MAML3: variants seen among roughly 807,000 people sequenced by gnomAD.
The protein encoded by MAML3 is mastermind like transcriptional coactivator 3, also known as mastermind-like protein 3.
MAML3 carries 27 observed loss-of-function variants against 101.9 expected under a neutral mutation model. The ratio of observed to expected loss-of-function variants is 0.27; its 90% CI spans 0.20 to 0.37. The LOEUF (loss-of-function observed/expected upper bound fraction) is 0.37. MAML3 is among the 10% of genes least tolerant of loss of function. The pLI is 1.00. For missense variants in MAML3, 1,316 were observed against 1,444.9 expected (o/e 0.91, Z 1.45); for synonymous variants, 501 against 555.9 (o/e 0.90, Z 1.39).
chr4:140,011,591 G>A (rs1231466654), intron 1 of MAML3, among the ~76,000 whole-genome samples: 3 of 151,612 alleles, frequency 2.0e-5, no homozygotes, highest in African/African-American at 4.8e-5. Context: ...TGATCCACCC[G>A]CCTCGGCCTC....
chr4:139,753,202 T>G (rs1729555696), intron 2 of MAML3, among the ~76,000 whole-genome samples: 1 of 152,236 alleles, frequency 6.6e-6, no homozygotes, highest in South Asian at 2.1e-4. Context: ...TCCTTTTAAG[T>G]GTACAATTCA....
At chr4:140,044,115 A>G (rs888890339) in intron 1 of MAML3, among the ~76,000 whole-genome samples, 2 of 129,174 alleles carry the variant, frequency 1.5e-5, no homozygotes, top group Non-Finnish European at 3.5e-5. Context: ...AAACAGTTCT[A>G]TAAGAAAGAA....
chr4:139,987,425 G>C (rs180815713), intron 1 of MAML3, among the ~76,000 whole-genome samples: 1 of 152,306 alleles, frequency 6.6e-6, no homozygotes, highest in East Asian at 1.9e-4. Context: ...TTTTTGTTCT[G>C]TGGTGGGAAC....
At chr4:140,126,168 AT>A (rs1488869642) in intron 1 of MAML3, among the ~76,000 whole-genome samples, 2 of 83,012 alleles carry the variant, frequency 2.4e-5, no homozygotes, top group African/African-American at 8.3e-5. Context: ...TGTAATAAGC[AT>A]TGTTTAAAAA....
chr4:139,821,050 T>C (rs1012045358), intron 2 of MAML3, among the ~76,000 whole-genome samples: 2 of 152,250 alleles, frequency 1.3e-5, no homozygotes, highest in African/African-American at 2.4e-5. Flanking sequence ...AGAAAAACCA[T>C]TGCCAAATTG....
chr4:139,930,763 T>C (rs1178983610), intron 1 of MAML3, among the ~76,000 whole-genome samples: 1 of 152,178 alleles, frequency 6.6e-6, no homozygotes, highest in Non-Finnish European at 1.5e-5. Flanking sequence ...AGGAGTAACG[T>C]GACACTAGAC....
chr4:140,102,861 C>T (rs1244309316), intron 1 of MAML3, among the ~76,000 whole-genome samples: 1 of 152,048 alleles, frequency 6.6e-6, no homozygotes, highest in Non-Finnish European at 1.5e-5. Flanking sequence ...CTCATCACCA[C>T]CAAGTGAAGA....
At chr4:139,768,221 GT>G (rs938317393) in intron 2 of MAML3, among the ~76,000 whole-genome samples, 13 of 87,000 alleles carry the variant, frequency 1.5e-4, no homozygotes, top group Admixed American at 1.3e-3. Flanking sequence ...TCTGTTGATA[GT>G]TGTGTGTGTG....
At position 139,719,442 on chromosome 4, in the gene MAML3, C is replaced by T. The variant is rs751266761; in HGVS notation, c.3298G>A (p.Gly1100Arg). ...QDVSYNYSGD[G>R]AGGSFPGLPD... Reference sequence around the variant, plus strand: ...AGGCCAGGGAAGGAACCCCCAGCTCCGTCGCCACTGTAATTGTATGACACG... The same window carrying T: ...AGGCCAGGGAAGGAACCCCCAGCTCTGTCGCCACTGTAATTGTATGACACG... The change falls in exon 5 of 5, where the codon GGA becomes AGA. Residue 1100 changes from glycine to arginine, a missense_variant. Physicochemically the swap from Gly to Arg is moderately radical, Grantham distance 125 (BLOSUM62 -2). Coordinates refer to ENST00000509479, the MANE Select transcript of MAML3 (RefSeq NM_018717.5). 40 of 1,613,896 alleles carry T rather than the reference C, an allele frequency of 2.5e-5. No homozygotes were observed. In the South Asian group the frequency reaches 3.2e-4, roughly 13 times the overall value.
rs1729856955 is a variant in MAML3, at chr4:139,766,208, G to C, written c.2080-35541C>G. Among the ~76,000 whole-genome samples the C allele has an allele frequency of 4.6e-5, 7 of 151,852 alleles. No individual in the cohort carries two copies. In the South Asian group the frequency reaches 1.5e-3, roughly 32 times the overall value. On this transcript the variant is annotated intron_variant, in intron 2 of 4. Coordinates refer to ENST00000509479, the MANE Select transcript of MAML3 (RefSeq NM_018717.5). ...GGGGTGGGGGATGGAGTCTCACTCT[G>C]TCACCCAGGCTGGAGTGCAGTGGCA...
At chr4:139,889,220 A>G (rs1732409694) in intron 2 of MAML3, 137 bp downstream of exon 2, 5 of 1,524,284 alleles carry the variant, frequency 3.3e-6, no homozygotes, top group Middle Eastern at 1.7e-4. Flanking sequence ...AAACCTGGCC[A>G]CTACCTGAGG....
chr4:140,075,532 C>T (rs1278212576), intron 1 of MAML3, among the ~76,000 whole-genome samples: 1 of 152,052 alleles, frequency 6.6e-6, no homozygotes, highest in Non-Finnish European at 1.5e-5. Flanking sequence ...AACATAGATA[C>T]ATATTATTTT....
At chr4:139,747,522 C>T (rs922381857) in intron 2 of MAML3, among the ~76,000 whole-genome samples, 6 of 151,814 alleles carry the variant, frequency 4.0e-5, no homozygotes, top group Non-Finnish European at 7.4e-5. Flanking sequence ...GGTGAAACCC[C>T]GTCTCTACTA....
intron 2 of MAML3, among the ~76,000 whole-genome samples, chr4:139,744,654 C>T (rs754916690): frequency 1.3e-5 from 2 of 152,224 alleles, no homozygotes; most frequent in Non-Finnish European, 2.9e-5. Flanking sequence ...AGTACCCCAG[C>T]ACAATGGCAG....
chr4:140,132,310 C>T (rs982217003), intron 1 of MAML3, among the ~76,000 whole-genome samples: 2 of 152,230 alleles, frequency 1.3e-5, no homozygotes, highest in African/African-American at 4.8e-5. Flanking sequence ...TGTTGACACT[C>T]GTTGCAAAGC....
chr4:139,720,339 G>C lies in MAML3; in HGVS notation c.2417-16C>G, dbSNP rs1330776322. 4 of 1,513,080 alleles carry C rather than the reference G, an allele frequency of 2.6e-6. No homozygotes were observed. The East Asian group carries it at 6.8e-5, about 26-fold the overall frequency. 93.7% of individuals were successfully genotyped at this position (1,513,080 alleles called of 1,614,324 possible). On this transcript the variant is annotated splice_polypyrimidine_tract_variant and intron_variant, in intron 4 of 4. Coordinates refer to ENST00000509479, the MANE Select transcript of MAML3 (RefSeq NM_018717.5). ...TGGGGAGAACCTGCAGTGAAAAAGA[G>C]GACACATACCACTCACTCTTCTCCA...
At chr4:139,967,212 T>C (rs1362984036) in intron 1 of MAML3, among the ~76,000 whole-genome samples, 1 of 151,992 alleles carries the variant, frequency 6.6e-6, no homozygotes, top group Non-Finnish European at 1.5e-5. Flanking sequence ...GAGAAGCAGA[T>C]GATGAAAAGG....
At chr4:140,002,929 T>G (rs1578638028) in intron 1 of MAML3, among the ~76,000 whole-genome samples, 1 of 152,244 alleles carries the variant, frequency 6.6e-6, no homozygotes, top group East Asian at 1.9e-4. Context: ...ACTGGCAGGG[T>G]CTGTTGGAAC....
intron 1 of MAML3, 151 bp downstream of exon 1, chr4:140,152,709 A>T (rs1729196225): frequency 7.3e-7 from 1 of 1,377,318 alleles, no homozygotes; most frequent in African/African-American, 1.5e-5. Context: ...TTTTTCCCTA[A>T]GAAAAGTTGA....
Sources: allele counts gnomAD v4.1 joint callset (sites outside exome capture counted in the v4.1 genomes callset), GRCh38; gene constraint gnomAD v4.1.1; transcripts MANE v1.5; gene names NCBI Gene and HGNC (gene_info 2026-07-23, HGNC 2026-07-21).